DLG2: variants seen among roughly 807,000 people sequenced by gnomAD.
DLG2 encodes the protein discs large MAGUK scaffold protein 2.
A neutral mutation model predicts 132.5 loss-of-function variants in DLG2; 45 were observed. That is an observed-to-expected ratio of 0.34 (90% CI 0.27 to 0.44). DLG2 has a LOEUF of 0.44. DLG2 is among the 20% of genes least tolerant of loss of function. DLG2 has a pLI of 1.00. For synonymous variants in DLG2, 424 were observed against 419.6 expected (o/e 1.01, Z -0.13); for missense variants, 1,045 against 1,196.9 (o/e 0.87, Z 1.87).
rs990120088 is a variant in DLG2 at position 85,478,710 on chromosome 11, T to A, written c.40+119947A>T. On this transcript the variant is annotated intron_variant, in intron 3 of 27. Coordinates refer to ENST00000376104, the MANE Select transcript of DLG2 (RefSeq NM_001142699.3). ...ATAATATGTAAGTAGGGCACAGTCC[T>A]GTTATGATGGTGGTTCTACCTCTCT... 6.6e-5 allele frequency among the ~76,000 whole-genome samples: 10 copies of A among 152,248 alleles called. No individual in the cohort carries two copies. In the East Asian group the frequency reaches 1.7e-3, roughly 26 times the overall value.
intron 5 of DLG2, among the ~76,000 whole-genome samples, chr11:85,134,324 T>G (rs1468716743): frequency 7.4e-5 from 11 of 149,258 alleles, no homozygotes; most frequent in Middle Eastern, 3.4e-3. Flanking sequence ...GGTCAGGAGA[T>G]CGAGACCATC....
chr11:84,666,742 ACACT>A (rs1165874487), intron 6 of DLG2, among the ~76,000 whole-genome samples: 1 of 152,106 alleles, frequency 6.6e-6, no homozygotes, highest in East Asian at 1.9e-4. Flanking sequence ...ATAAAATCAC[ACACT>A]CAGAAATTTT....
At chr11:84,972,568 A>G (rs2054251798) in intron 6 of DLG2, among the ~76,000 whole-genome samples, 1 of 152,220 alleles carries the variant, frequency 6.6e-6, no homozygotes, top group African/African-American at 2.4e-5. Context: ...AAATGGTGCA[A>G]CTTCCCAAAC....
chr11:83,927,860 T>C (rs1181881093), intron 15 of DLG2, among the ~76,000 whole-genome samples: 1 of 151,940 alleles, frequency 6.6e-6, no homozygotes, highest in Non-Finnish European at 1.5e-5. Flanking sequence ...ATTTTGGAGG[T>C]AGAATCAACA....
In DLG2 at chr11:85,460,144, G is replaced by T. The variant is rs1419247531; in HGVS notation, c.40+138513C>A. On this transcript the variant is annotated intron_variant, in intron 3 of 27. Coordinates refer to ENST00000376104, the MANE Select transcript of DLG2 (RefSeq NM_001142699.3). The stretch of plus-strand genomic sequence containing the variant: ...ACTGGGCCTCATCCTGTGAAATGCA[G>T]TGGAGGTGAAGCCTGGAGTCCACTG... 2.0e-5 allele frequency among the ~76,000 whole-genome samples: 3 copies of T among 152,214 alleles called. 1 individual carries two copies. The highest frequency in any genetic ancestry group is 4.1e-4 in the South Asian group (2 of 4,828).
chr11:84,573,289 C>A (rs1035064674), intron 6 of DLG2, among the ~76,000 whole-genome samples: 1 of 151,922 alleles, frequency 6.6e-6, no homozygotes, highest in Non-Finnish European at 1.5e-5. Context: ...TATTAAGTAG[C>A]AAGTGATATC....
intron 6 of DLG2, among the ~76,000 whole-genome samples, chr11:84,713,733 T>A (rs2060703060): frequency 6.6e-6 from 1 of 152,128 alleles, no homozygotes; most frequent in Non-Finnish European, 1.5e-5. Flanking sequence ...GAAATACCCA[T>A]CATCAAGCAT....
chr11:83,933,537 C>T (rs1020296667), intron 14 of DLG2, among the ~76,000 whole-genome samples: 1 of 152,148 alleles, frequency 6.6e-6, no homozygotes, highest in Non-Finnish European at 1.5e-5. Context: ...ATTAGCACAC[C>T]CTGGCCCTTG....
chr11:83,866,884 G>A (rs371402337), intron 16 of DLG2, among the ~76,000 whole-genome samples: 26 of 152,224 alleles, frequency 1.7e-4, no homozygotes, highest in African/African-American at 5.8e-4. Flanking sequence ...TTCTCATAAC[G>A]AGACTCCTGA....
intron 3 of DLG2, among the ~76,000 whole-genome samples, chr11:85,358,091 A>G (rs542500713): frequency 2.0e-5 from 3 of 152,202 alleles, no homozygotes; most frequent in South Asian, 4.2e-4. Flanking sequence ...CGCCTGAAAA[A>G]CAAAAAAAAG....
chr11:84,210,815 G>A (rs1306878807), intron 8 of DLG2, among the ~76,000 whole-genome samples: 1 of 152,074 alleles, frequency 6.6e-6, no homozygotes, highest in Non-Finnish European at 1.5e-5. Context: ...AAAGAAATCA[G>A]GATACTGGTT....
intron 10 of DLG2, among the ~76,000 whole-genome samples, chr11:84,068,633 A>T (rs903221760): frequency 6.6e-6 from 1 of 152,230 alleles, no homozygotes; most frequent in Non-Finnish European, 1.5e-5. Flanking sequence ...ACATTTTAGT[A>T]TAAGTATGTT....
At chr11:83,584,645 G>T (rs751177159) in intron 19 of DLG2, among the ~76,000 whole-genome samples, 10 of 152,194 alleles carry the variant, frequency 6.6e-5, no homozygotes, top group Admixed American at 4.6e-4. Context: ...AAAAATTAGA[G>T]ATAATAGAAA....
intron 6 of DLG2, among the ~76,000 whole-genome samples, chr11:84,806,889 A>G (rs2076057672): frequency 1.3e-5 from 2 of 152,166 alleles, no homozygotes; most frequent in South Asian, 4.1e-4. Flanking sequence ...AAAAATATAT[A>G]GGGAAGACTA....
intron 6 of DLG2, among the ~76,000 whole-genome samples, chr11:85,019,834 A>AC (rs2059886120): frequency 6.6e-6 from 1 of 152,184 alleles, no homozygotes; most frequent in Non-Finnish European, 1.5e-5. Context: ...TCCATGGTGT[A>AC]TATGTGCCAC....
chr11:85,533,476 T>TAA (rs1555175258), intron 3 of DLG2, among the ~76,000 whole-genome samples: 5 of 148,558 alleles, frequency 3.4e-5, no homozygotes, highest in Admixed American at 6.8e-5. Context: ...TATATATATA[T>TAA]AATTCTTTTT....
chr11:84,141,056 T>G (rs1473829358), intron 9 of DLG2, among the ~76,000 whole-genome samples: 1 of 152,180 alleles, frequency 6.6e-6, no homozygotes, highest in Non-Finnish European at 1.5e-5. Context: ...AGAGCCATTG[T>G]AGAGTGATTA....
At chr11:84,751,597 A>G (rs1466640358) in intron 6 of DLG2, among the ~76,000 whole-genome samples, 5 of 152,178 alleles carry the variant, frequency 3.3e-5, no homozygotes, top group African/African-American at 1.2e-4. Flanking sequence ...GCTGCAGCAT[A>G]GCAAAAATCG....
intron 3 of DLG2, among the ~76,000 whole-genome samples, chr11:85,464,035 G>T (rs1372997711): frequency 2.8e-5 from 1 of 35,568 alleles, no homozygotes; most frequent in Non-Finnish European, 7.0e-5. Context: ...CCCCCCGAGA[G>T]AGAGAGATTG....
Sources: allele counts gnomAD v4.1 joint callset (sites outside exome capture counted in the v4.1 genomes callset), GRCh38; gene constraint gnomAD v4.1.1; transcripts MANE v1.5; gene names NCBI Gene and HGNC (gene_info 2026-07-23, HGNC 2026-07-21).